ATP6V0A4: variants seen among roughly 807,000 people sequenced by gnomAD.
The protein encoded by ATP6V0A4 is V-type proton ATPase 116 kDa subunit a 4.
In ATP6V0A4, 86 loss-of-function variants were observed where a neutral mutation model predicts 107.3. That is an observed-to-expected ratio of 0.80 (90% CI 0.67 to 0.96). The LOEUF is 0.96. ATP6V0A4 is among the 40% of genes least tolerant of loss of function. The probability of loss-of-function intolerance (pLI) is 0.00; values close to 1 mark genes in which losing one functional copy is unlikely to be tolerated. For synonymous variants in ATP6V0A4, 353 were observed against 381.4 expected (o/e 0.93, Z 0.87); for missense variants, 908 against 1,045.6 (o/e 0.87, Z 1.81).
At chr7:138,744,324 A>C (rs1584918423) in intron 14 of ATP6V0A4, among the ~76,000 whole-genome samples, 1 of 118,406 alleles carries the variant, frequency 8.4e-6, no homozygotes, top group Admixed American at 1.0e-4. Flanking sequence ...TGCAACCTCC[A>C]CCTCCTGGAT....
intron 14 of ATP6V0A4, among the ~76,000 whole-genome samples, chr7:138,742,051 C>T (rs141254713): frequency 1.3e-5 from 2 of 152,310 alleles, no homozygotes; most frequent in African/African-American, 4.8e-5. Context: ...ACAGTTAATT[C>T]GGGCCTTTCA....
At chr7:138,709,506 G>A in intron 21 of ATP6V0A4, 118 bp downstream of exon 21, 2 of 898,822 alleles carry the variant, frequency 2.2e-6, no homozygotes, top group Non-Finnish European at 1.9e-6. Context: ...AGGCTCCAAA[G>A]AGGTATGTAA....
chr7:138,787,709 A>C (rs147003749), intron 1 of ATP6V0A4, among the ~76,000 whole-genome samples: 2 of 152,162 alleles, frequency 1.3e-5, no homozygotes, highest in Non-Finnish European at 2.9e-5. Flanking sequence ...TCAAAAAAGA[A>C]AAAAGAGGCC....
At chr7:138,769,371 A>T in intron 3 of ATP6V0A4, 120 bp from the exon 4 acceptor site, 1 of 1,447,352 alleles carries the variant, frequency 6.9e-7, no homozygotes, top group Non-Finnish European at 9.2e-7. Context: ...CTGGAGGGCA[A>T]TGGCGCGATC....
At chr7:138,754,626 C>A (rs1328047036) in intron 10 of ATP6V0A4, among the ~76,000 whole-genome samples, 1 of 151,680 alleles carries the variant, frequency 6.6e-6, no homozygotes, top group Non-Finnish European at 1.5e-5. Flanking sequence ...ATTTTATTTC[C>A]TTTTATTTTA....
intron 1 of ATP6V0A4, among the ~76,000 whole-genome samples, chr7:138,792,786 GTT>G (rs869050228): frequency 1.7e-5 from 1 of 59,960 alleles, no homozygotes; most frequent in African/African-American, 5.8e-5. Flanking sequence ...TTGTTGTTTT[GTT>G]TTTTTTTTTG....
chr7:138,712,496 G>A (rs775471013), intron 20 of ATP6V0A4, among the ~76,000 whole-genome samples: 11 of 152,160 alleles, frequency 7.2e-5, no homozygotes, highest in Non-Finnish European at 1.6e-4. Context: ...TAACTACTAG[G>A]ACCACTGATG....
chr7:138,766,437 C>T (rs561868479), intron 5 of ATP6V0A4, among the ~76,000 whole-genome samples: 3 of 152,094 alleles, frequency 2.0e-5, no homozygotes, highest in African/African-American at 7.2e-5. Context: ...AACTCCTGAC[C>T]TCAAGCAATA....
intron 3 of ATP6V0A4, among the ~76,000 whole-genome samples, chr7:138,769,660 T>C (rs1464264317): frequency 6.6e-6 from 1 of 152,194 alleles, no homozygotes; most frequent in Non-Finnish European, 1.5e-5. Flanking sequence ...AGAATGTTGC[T>C]GGAATTATCT....
intron 20 of ATP6V0A4, among the ~76,000 whole-genome samples, chr7:138,711,474 A>G (rs1289834215): frequency 6.6e-6 from 1 of 152,054 alleles, no homozygotes; most frequent in Non-Finnish European, 1.5e-5. Flanking sequence ...TTGAGATTTG[A>G]AGGCCCCTGC....
chr7:138,749,629 C>T (rs1476105168), intron 11 of ATP6V0A4, among the ~76,000 whole-genome samples: 2 of 152,152 alleles, frequency 1.3e-5, no homozygotes, highest in East Asian at 3.9e-4. Flanking sequence ...TCTCCACTTT[C>T]TCAATTCATC....
At chr7:138,733,572 C>CTTTTTT (rs3080537) in intron 16 of ATP6V0A4, among the ~76,000 whole-genome samples, 10 of 87,060 alleles carry the variant, frequency 1.1e-4, no homozygotes, top group African/African-American at 3.5e-4. Context: ...AATGGTTTCT[C>CTTTTTT]TTTTTTTTTT....
rs375256865 is a variant in ATP6V0A4, at chr7:138,749,240, G to C, written c.1107C>G (p.Thr369=). 6.8e-6 allele frequency: 11 copies of C among 1,613,416 alleles called. No homozygotes were observed. The African/African-American group carries it at 1.3e-4, about 20-fold the overall frequency. Reference sequence around the variant, plus strand: ...TCTGGAAGCCAGCTGTGAATTTATTGGTCCTGTTAAATGTGGGAGGGGCTG... The same window carrying C: ...TCTGGAAGCCAGCTGTGAATTTATTCGTCCTGTTAAATGTGGGAGGGGCTG... ...SKTAPPTFNR[T]NKFTAGFQNI... The change falls in exon 12 of 22, where the codon ACC becomes ACG. Residue 369 remains threonine (T), a synonymous_variant. Coordinates refer to ENST00000310018, the MANE Select transcript of ATP6V0A4 (RefSeq NM_020632.3).
At chr7:138,747,245 C>A (rs73730496) in intron 13 of ATP6V0A4, among the ~76,000 whole-genome samples, 180 bp downstream of exon 13, 4 of 152,172 alleles carry the variant, frequency 2.6e-5, no homozygotes, top group Non-Finnish European at 5.9e-5. Context: ...CTGAAAGGAA[C>A]GGCACCAAAC....
intron 5 of ATP6V0A4, among the ~76,000 whole-genome samples, chr7:138,764,428 G>A (rs1806985918): frequency 6.6e-6 from 1 of 152,100 alleles, no homozygotes; most frequent in Non-Finnish European, 1.5e-5. Flanking sequence ...ACAGACAGGA[G>A]TGAAACTATA....
At chr7:138,738,962 G>A (rs1413810922) in intron 15 of ATP6V0A4, among the ~76,000 whole-genome samples, 4 of 152,156 alleles carry the variant, frequency 2.6e-5, no homozygotes, top group African/African-American at 9.7e-5. Context: ...TTACATGAAC[G>A]GGCATGTGTT....
intron 15 of ATP6V0A4, among the ~76,000 whole-genome samples, chr7:138,737,778 TGAGA>T (rs1805423445): frequency 6.7e-6 from 1 of 149,024 alleles, no homozygotes; most frequent in African/African-American, 2.5e-5. Context: ...TTTTTTTTTT[TGAGA>T]TGGGCTCTCA....
intron 8 of ATP6V0A4, among the ~76,000 whole-genome samples, chr7:138,757,138 T>G (rs1311068396): frequency 6.6e-6 from 1 of 152,216 alleles, no homozygotes; most frequent in African/African-American, 2.4e-5. Flanking sequence ...ATGCAAATGT[T>G]TAACTCTTAC....
At chr7:138,713,855 C>A (rs1803879180) in intron 20 of ATP6V0A4, among the ~76,000 whole-genome samples, 1 of 151,598 alleles carries the variant, frequency 6.6e-6, no homozygotes, top group Non-Finnish European at 1.5e-5. Context: ...AATCCCAGCA[C>A]TTTGGGAGGC....
Sources: allele counts gnomAD v4.1 joint callset (sites outside exome capture counted in the v4.1 genomes callset), GRCh38; gene constraint gnomAD v4.1.1; transcripts MANE v1.5; gene names NCBI Gene and HGNC (gene_info 2026-07-23, HGNC 2026-07-21).